The following ME2 variants were observed in gnomAD, a reference collection of about 807,000 sequenced individuals.
The protein encoded by ME2 is NAD-dependent malic enzyme, mitochondrial.
A neutral mutation model predicts 73.7 loss-of-function variants in ME2; 60 were observed. The ratio of observed to expected loss-of-function variants is 0.81; its 90% CI spans 0.66 to 1.01. The LOEUF is 1.01. Ranked by LOEUF, ME2 falls within the 50% of genes least tolerant of loss-of-function variation. The pLI is 0.00. For synonymous variants in ME2, 199 were observed against 236.9 expected (o/e 0.84, Z 1.47); for missense variants, 594 against 705.5 (o/e 0.84, Z 1.79).
At chr18:50,912,738 TA>T (rs1347726831) in intron 3 of ME2, 62 bp from the exon 4 acceptor site, 141 of 1,296,112 alleles carry the variant, frequency 1.1e-4, no homozygotes, top group Middle Eastern at 5.7e-4. Flanking sequence ...TTAACTTTCA[TA>T]AGCCAAGACT....
chr18:50,928,300 C>T (rs1347141025), intron 12 of ME2, among the ~76,000 whole-genome samples: 1 of 149,634 alleles, frequency 6.7e-6, no homozygotes, highest in East Asian at 2.0e-4. Context: ...GGCTAGAGTG[C>T]AGTGGCGTCA....
intron 12 of ME2, among the ~76,000 whole-genome samples, chr18:50,929,958 T>A (rs1917654657): frequency 6.6e-6 from 1 of 152,314 alleles, no homozygotes; most frequent in Admixed American, 6.5e-5. Flanking sequence ...TTGTAATAAA[T>A]GTACTTTATT....
At chr18:50,923,956 G>A (rs1917484540) in intron 10 of ME2, 142 bp from the exon 11 acceptor site, 1 of 561,774 alleles carries the variant, frequency 1.8e-6, no homozygotes, top group South Asian at 2.7e-5. Flanking sequence ...AGAGTTGGAA[G>A]GTATGGGTTG....
At chr18:50,940,421 T>C in intron 15 of ME2, 35 bp downstream of exon 15, 1 of 1,284,336 alleles carries the variant, frequency 7.8e-7, no homozygotes, top group Non-Finnish European at 1.1e-6. Context: ...ACATTAATTT[T>C]AATGACATTT....
chr18:50,932,472 G>A (rs1263610715), intron 13 of ME2, 112 bp downstream of exon 13: 7 of 669,760 alleles, frequency 1.0e-5, no homozygotes, highest in African/African-American at 3.8e-5. Context: ...CAGAATTTTG[G>A]TATAAATGTA....
intron 1 of ME2, among the ~76,000 whole-genome samples, chr18:50,880,678 A>C (rs1916297758): frequency 6.6e-6 from 1 of 152,154 alleles, no homozygotes; most frequent in Non-Finnish European, 1.5e-5. Context: ...TTGACCTTCC[A>C]AAGTGCTGGG....
intron 1 of ME2, among the ~76,000 whole-genome samples, chr18:50,890,086 T>C (rs138664173): frequency 6.6e-6 from 1 of 152,120 alleles, no homozygotes; most frequent in African/African-American, 2.4e-5. Context: ...TCCTCACTCT[T>C]TGATAGAAAA....
At chr18:50,939,406 C>T (rs571954445) in intron 13 of ME2, 164 bp from the exon 14 acceptor site, 166 of 507,542 alleles carry the variant, frequency 3.3e-4, no homozygotes, top group Non-Finnish European at 5.3e-4. Flanking sequence ...TATTAAAGAT[C>T]GTTTGATTTT....
chr18:50,928,140 G>T (rs181974524), intron 12 of ME2, among the ~76,000 whole-genome samples: 18 of 150,826 alleles, frequency 1.2e-4, no homozygotes, highest in Non-Finnish European at 2.1e-4. Context: ...TATGTGAATT[G>T]CAATTAAAAT....
chr18:50,881,092 G>A (rs973990006), intron 1 of ME2, among the ~76,000 whole-genome samples: 3 of 152,102 alleles, frequency 2.0e-5, no homozygotes, highest in Admixed American at 6.6e-5. Context: ...GCAGTGTTGC[G>A]ATCTCCACTC....
At chr18:50,931,969 T>C (rs1265065683) in intron 12 of ME2, among the ~76,000 whole-genome samples, 1 of 152,138 alleles carries the variant, frequency 6.6e-6, no homozygotes, top group African/African-American at 2.4e-5. Flanking sequence ...AGGTGTAAGC[T>C]TCTGTGCCTG....
chr18:50,899,734 G>A (rs2144203817), intron 2 of ME2, among the ~76,000 whole-genome samples: 1 of 152,258 alleles, frequency 6.6e-6, no homozygotes, highest in South Asian at 2.1e-4. Flanking sequence ...TTACTCCCCT[G>A]TCCTTTGAGC....
chr18:50,904,682 T>A (rs1312240156), intron 2 of ME2, among the ~76,000 whole-genome samples: 3 of 152,178 alleles, frequency 2.0e-5, no homozygotes, highest in Non-Finnish European at 2.9e-5. Context: ...CCTCCCAAAG[T>A]GCTGGGATTA....
At chr18:50,922,382 C>T (rs962906081) in intron 10 of ME2, among the ~76,000 whole-genome samples, 2 of 152,224 alleles carry the variant, frequency 1.3e-5, no homozygotes, top group Non-Finnish European at 2.9e-5. Context: ...GGATTCAAAA[C>T]CAAGTATCCT....
Position 50,923,051 on chromosome 18 carries a change from GTAT to G in ME2, c.1057-1046_1057-1044del, listed in dbSNP as rs1188058388. On this transcript the variant is annotated intron_variant, in intron 10 of 15. Transcript: ENST00000321341. ...TCTTCATTGTTCTAGTCTGTCAGTG[GTAT>G]CTCTTCTGGCTTTGTGGCATTACTA... 1.3e-4 allele frequency among the ~76,000 whole-genome samples: 20 copies of G among 152,170 alleles called. No homozygotes were observed. The East Asian group carries it at 3.9e-3, about 29-fold the overall frequency.
chr18:50,908,293 T>A (rs1375256363), intron 3 of ME2, 97 bp downstream of exon 3: 1 of 864,990 alleles, frequency 1.2e-6, no homozygotes, highest in African/African-American at 1.7e-5. Flanking sequence ...CACAATCTTA[T>A]ATAAGTTTGT....
chr18:50,916,070 C>T (rs1394231289), intron 4 of ME2, 98 bp from the exon 5 acceptor site: 9 of 831,462 alleles, frequency 1.1e-5, no homozygotes, highest in Admixed American at 7.0e-5. Flanking sequence ...TATACCATGT[C>T]TTGATATTTT....
chr18:50,906,473 C>T (rs1305595755), intron 2 of ME2, among the ~76,000 whole-genome samples: 7 of 152,044 alleles, frequency 4.6e-5, no homozygotes, highest in Non-Finnish European at 8.8e-5. Context: ...CCACCACGCC[C>T]GGCTAATTTT....
chr18:50,884,752 G>A (rs1299771001), intron 1 of ME2, among the ~76,000 whole-genome samples: 1 of 152,050 alleles, frequency 6.6e-6, no homozygotes, highest in Non-Finnish European at 1.5e-5. Flanking sequence ...TGTATTTTTT[G>A]GGGATTGCCT....
Sources: gnomAD v4.1 joint callset for allele counts (sites outside exome capture counted in the v4.1 genomes callset) on GRCh38, gnomAD v4.1.1 for gene constraint, MANE v1.5 for transcripts, NCBI Gene and HGNC (gene_info 2026-07-23, HGNC 2026-07-21) for gene names.